CUL2: variants seen among roughly 807,000 people sequenced by gnomAD.
CUL2 encodes cullin-2.
Under a neutral mutation model 110.2 loss-of-function variants are expected in CUL2, and 22 were observed. The ratio of observed to expected loss-of-function variants is 0.20; its 90% confidence interval spans 0.14 to 0.28. The LOEUF (loss-of-function observed/expected upper bound fraction) is 0.28, where lower values mean the gene tolerates loss of function less well. Among genes scored for constraint, CUL2 ranks in the 10% least tolerant of loss-of-function variants. CUL2 has a pLI of 1.00. For missense variants in CUL2, 631 were observed against 905.5 expected (o/e 0.70, Z 3.89); for synonymous variants, 279 against 293.2 (o/e 0.95, Z 0.49).
intron 10 of CUL2, 57 bp downstream of exon 10, chr10:35,035,115 A>C (rs1331220186): frequency 6.3e-7 from 1 of 1,590,068 alleles, no homozygotes; most frequent in East Asian, 2.2e-5. Flanking sequence ...GTCAAAGGAA[A>C]GGCTCCACGC....
intron 1 of CUL2, among the ~76,000 whole-genome samples, chr10:35,109,235 G>C (rs547533601): frequency 6.6e-6 from 1 of 152,198 alleles, no homozygotes; most frequent in Admixed American, 6.5e-5. Context: ...GACAGAGTGA[G>C]ACCCTGTCTC....
chr10:35,045,183 T>C (rs949396229), intron 6 of CUL2, among the ~76,000 whole-genome samples: 4 of 152,350 alleles, frequency 2.6e-5, no homozygotes, highest in African/African-American at 7.2e-5. Flanking sequence ...GCCCATCAAT[T>C]CAAAACTTTA....
At chr10:35,012,957 C>T (rs1295943931) in intron 19 of CUL2, among the ~76,000 whole-genome samples, 1 of 152,146 alleles carries the variant, frequency 6.6e-6, no homozygotes, top group African/African-American at 2.4e-5. Flanking sequence ...CCCACTAGAT[C>T]ACAATCTGCA....
chr10:35,065,922 T>C (rs1332847718), intron 2 of CUL2, among the ~76,000 whole-genome samples: 1 of 152,208 alleles, frequency 6.6e-6, no homozygotes, highest in Non-Finnish European at 1.5e-5. Context: ...TCACTAGACT[T>C]ATCTTTTCCT....
chr10:35,084,575 C>A (rs2087015967), intron 1 of CUL2, among the ~76,000 whole-genome samples: 1 of 152,164 alleles, frequency 6.6e-6, no homozygotes, highest in Non-Finnish European at 1.5e-5. Flanking sequence ...ATTATGCTAA[C>A]TGCAATATGA....
chr10:35,061,403 C>T (rs935073813), intron 3 of CUL2, among the ~76,000 whole-genome samples: 1 of 148,256 alleles, frequency 6.7e-6, no homozygotes, highest in African/African-American at 2.5e-5. Flanking sequence ...TGAACCCGAT[C>T]GCACCGAGAC....
At chr10:35,023,401 A>T (rs2134678126) in intron 17 of CUL2, among the ~76,000 whole-genome samples, 1 of 152,328 alleles carries the variant, frequency 6.6e-6, no homozygotes, top group Non-Finnish European at 1.5e-5. Context: ...AAATAATATT[A>T]AATAAAAGAA....
intron 1 of CUL2, among the ~76,000 whole-genome samples, chr10:35,085,873 G>A (rs780032911): frequency 6.6e-6 from 1 of 152,060 alleles, no homozygotes; most frequent in Non-Finnish European, 1.5e-5. Flanking sequence ...AGGGAGGAAG[G>A]GCATAAGGGT....
At chr10:35,050,413 G>C (rs1180389569) in intron 5 of CUL2, among the ~76,000 whole-genome samples, 1 of 152,088 alleles carries the variant, frequency 6.6e-6, no homozygotes, top group African/African-American at 2.4e-5. Flanking sequence ...AGAAACAAAG[G>C]ATTTATGTTA....
intron 1 of CUL2, among the ~76,000 whole-genome samples, chr10:35,076,309 T>C (rs2086815877): frequency 6.6e-6 from 1 of 152,134 alleles, no homozygotes; most frequent in Non-Finnish European, 1.5e-5. Context: ...GTGAGGAAAA[T>C]GCTCTAAAGT....
Position 35,081,714 on chromosome 10 carries a change from T to G in CUL2, c.-23+8465A>C, listed in dbSNP as rs374376940. Among the ~76,000 whole-genome samples the G allele has an allele frequency of 1.6e-3, 249 of 152,056 alleles. No individual in the cohort carries two copies. In the Middle Eastern group the frequency reaches 0.024, roughly 15 times the overall value. On this transcript the variant is annotated intron_variant, in intron 1 of 20. Transcript: ENST00000374749. Reference sequence around the variant, plus strand: ...TTCGCAGCCAACCTGGGCAACATGGTGAACCCCGCCTGTACAAAATACAAA... The same window carrying G: ...TTCGCAGCCAACCTGGGCAACATGGGGAACCCCGCCTGTACAAAATACAAA...
At chr10:35,016,091 G>T in intron 18 of CUL2, 101 bp downstream of exon 18, 1 of 964,410 alleles carries the variant, frequency 1.0e-6, no homozygotes, top group Non-Finnish European at 1.6e-6. Flanking sequence ...GTGCTTTCCA[G>T]AGCACAATAA....
intron 1 of CUL2, among the ~76,000 whole-genome samples, chr10:35,114,395 T>C (rs1246222707): frequency 6.6e-6 from 1 of 151,328 alleles, no homozygotes; most frequent in Non-Finnish European, 1.5e-5. Flanking sequence ...TTGTTTTTTG[T>C]TTTTTTGAGA....
At chr10:35,058,682 T>C (rs1258451910) in intron 4 of CUL2, among the ~76,000 whole-genome samples, 1 of 152,220 alleles carries the variant, frequency 6.6e-6, no homozygotes, top group South Asian at 2.1e-4. Context: ...TTATATAAAA[T>C]GTAGATTTAC....
At chr10:35,028,712 T>A (rs945002162) in intron 16 of CUL2, 98 bp downstream of exon 16, 5 of 711,468 alleles carry the variant, frequency 7.0e-6, no homozygotes, top group Non-Finnish European at 9.2e-6. Flanking sequence ...TTTTATCACA[T>A]GAACCCTTAA....
intron 1 of CUL2, among the ~76,000 whole-genome samples, chr10:35,122,664 G>C (rs2087690969): frequency 6.6e-6 from 1 of 152,066 alleles, no homozygotes; most frequent in African/African-American, 2.4e-5. Flanking sequence ...TTGAGCTAGA[G>C]TCTTGCTCCA....
Position 35,033,270 on chromosome 10 carries a change from G to C in CUL2, c.1006C>G (p.Pro336Ala). The C allele has an allele frequency of 6.2e-7, 1 of 1,608,666 alleles. No individual in the cohort carries two copies. The highest frequency in any genetic ancestry group is 8.5e-7 in the Non-Finnish European group (1 of 1,175,432). The stretch of plus-strand genomic sequence containing the variant: ...AAAACTGACTCCACAAATAGTGTTG[G>C]CATCTAAAAATGAAATATAAGTACA... The part of the protein sequence containing the change: ...ATSNLTQENM[P>A]TLFVESVLEV... Residue 336 changes from proline to alanine, a missense_variant, in exon 11 of 21, where the codon CCA becomes GCA. By Grantham distance (27) the Pro-to-Ala change is conservative (BLOSUM62 -1). This residue lies in a region of CUL2 where 338 missense variants were observed against 442.5 expected (regional missense o/e 0.76). Coordinates refer to ENST00000374749, the MANE Select transcript of CUL2 (RefSeq NM_003591.4).
intron 1 of CUL2, chr10:35,074,311 C>T: frequency 1.2e-6 from 1 of 837,482 alleles, no homozygotes; most frequent in East Asian, 2.6e-5. Context: ...TCCTCTCCTC[C>T]TGGTACTCCC....
At chr10:35,057,167 C>T (rs2086258966) in intron 4 of CUL2, among the ~76,000 whole-genome samples, 1 of 152,174 alleles carries the variant, frequency 6.6e-6, no homozygotes, top group Admixed American at 6.5e-5. Context: ...ATTCACTAAT[C>T]CATTCCAAAG....
Sources: gnomAD v4.1 joint callset for allele counts (sites outside exome capture counted in the v4.1 genomes callset) on GRCh38, gnomAD v4.1.1 for gene constraint, gnomAD v4.1.1 regional missense constraint, MANE v1.5 for transcripts, NCBI Gene and HGNC (gene_info 2026-07-23, HGNC 2026-07-21) for gene names.